Variants in NRF1 observed in about 807,000 individuals in gnomAD.
NRF1 encodes the protein nuclear respiratory factor 1.
In NRF1, 5 loss-of-function variants were observed where a neutral mutation model predicts 58.5. The ratio of observed to expected loss-of-function variants is 0.09; its 90% CI spans 0.04 to 0.18. NRF1 has a LOEUF of 0.18. Among genes scored for constraint, NRF1 ranks in the 10% least tolerant of loss-of-function variants. NRF1 has a pLI of 1.00. For missense variants in NRF1, 288 were observed against 657.7 expected (o/e 0.44, Z 6.15); for synonymous variants, 224 against 246.7 (o/e 0.91, Z 0.86).
intron 1 of NRF1, among the ~76,000 whole-genome samples, chr7:129,618,206 A>G (rs200865143): frequency 4.9e-5 from 4 of 81,082 alleles, no homozygotes; most frequent in African/African-American, 1.1e-4. Context: ...TTATTGGGTG[A>G]TGATGATGCC....
chr7:129,698,749 G>C (rs1269477552), intron 5 of NRF1, among the ~76,000 whole-genome samples: 2 of 152,178 alleles, frequency 1.3e-5, no homozygotes, highest in African/African-American at 4.8e-5. Context: ...GTTCTGCCTT[G>C]CTGGTGAGCC....
intron 4 of NRF1, among the ~76,000 whole-genome samples, chr7:129,686,037 GGTGGCA>G (rs1363669242): frequency 2.7e-5 from 4 of 149,520 alleles, no homozygotes; most frequent in Non-Finnish European, 5.9e-5. Flanking sequence ...AGGAGATGGA[GGTGGCA>G]GTGAGCCGAG....
At chr7:129,652,827 C>T (rs560526225) in intron 1 of NRF1, among the ~76,000 whole-genome samples, 6 of 152,144 alleles carry the variant, frequency 3.9e-5, no homozygotes, top group African/African-American at 1.4e-4. Flanking sequence ...CTCCTGACCT[C>T]GTGATCTGCC....
chr7:129,641,486 TTC>T (rs1279150371), intron 1 of NRF1, among the ~76,000 whole-genome samples: 2 of 152,196 alleles, frequency 1.3e-5, no homozygotes, highest in Non-Finnish European at 2.9e-5. Flanking sequence ...AATATTTTTA[TTC>T]TGTCTTCCAT....
intron 1 of NRF1, among the ~76,000 whole-genome samples, chr7:129,636,687 T>A (rs546835033): frequency 2.0e-5 from 3 of 152,234 alleles, no homozygotes; most frequent in Non-Finnish European, 4.4e-5. Context: ...CTTTTCAGTT[T>A]CGAAAACTAT....
intron 1 of NRF1, among the ~76,000 whole-genome samples, chr7:129,637,043 A>T (rs770098859): frequency 6.6e-6 from 1 of 152,198 alleles, no homozygotes; most frequent in Non-Finnish European, 1.5e-5. Context: ...TTAACAGGAG[A>T]GTAATCCTTG....
chr7:129,621,439 A>G (rs1379976322), intron 1 of NRF1, among the ~76,000 whole-genome samples: 4 of 152,212 alleles, frequency 2.6e-5, no homozygotes, highest in East Asian at 1.9e-4. Flanking sequence ...TAAATCTCCA[A>G]AGAGGGCCCA....
chr7:129,626,363 C>T (rs1386410429), intron 1 of NRF1, among the ~76,000 whole-genome samples: 5 of 151,994 alleles, frequency 3.3e-5, no homozygotes, highest in African/African-American at 1.2e-4. Flanking sequence ...TTTTTGCGTT[C>T]TGGACATCAT....
intron 4 of NRF1, among the ~76,000 whole-genome samples, chr7:129,685,742 A>G (rs1203763826): frequency 6.6e-6 from 1 of 152,146 alleles, no homozygotes; most frequent in East Asian, 1.9e-4. Context: ...GAAGAGAATT[A>G]TGGCAAGGAT....
chr7:129,669,511 A>G (rs1410170812), intron 2 of NRF1, among the ~76,000 whole-genome samples: 1 of 152,182 alleles, frequency 6.6e-6, no homozygotes, highest in African/African-American at 2.4e-5. Context: ...GTTAAAATTC[A>G]ACTTTGCACA....
At chr7:129,697,806 C>T (rs1334550683) in intron 5 of NRF1, among the ~76,000 whole-genome samples, 3 of 152,060 alleles carry the variant, frequency 2.0e-5, no homozygotes, top group African/African-American at 7.2e-5. Flanking sequence ...GCGATCTCAG[C>T]TCACTGCAAC....
At chr7:129,651,762 C>T (rs1211419245) in intron 1 of NRF1, among the ~76,000 whole-genome samples, 1 of 152,072 alleles carries the variant, frequency 6.6e-6, no homozygotes, top group Non-Finnish European at 1.5e-5. Flanking sequence ...ATATTATATT[C>T]AATTGTGTGA....
At position 129,744,340 on chromosome 7, in the gene NRF1, G is replaced by A. The variant is rs954676834; in HGVS notation, c.1349-10678G>A. On this transcript the variant is annotated intron_variant, in intron 10 of 10. Transcript: ENST00000393232. ...GATGGTGGGATTCCTCTACTGTGCAGTCCCCCTCACTCGGTCACCTGATAG... is the reference window on the plus strand; with the variant it reads ...GATGGTGGGATTCCTCTACTGTGCAATCCCCCTCACTCGGTCACCTGATAG... 8 of 822,526 alleles carry A rather than the reference G, an allele frequency of 9.7e-6. No individual in the cohort carries two copies. The African/African-American group carries it at 1.0e-4, about 11-fold the overall frequency. The allele number at this position is 822,526 out of a possible 1,614,324, so 51.0% of individuals were successfully genotyped here. A position where few individuals can be genotyped will look rare whatever the true frequency, so the allele number is the denominator to read the frequency against.
intron 2 of NRF1, among the ~76,000 whole-genome samples, chr7:129,664,677 T>A (rs542212265): frequency 6.6e-6 from 1 of 152,366 alleles, no homozygotes; most frequent in African/African-American, 2.4e-5. Context: ...TGTATTACTG[T>A]ACTGCTTTGT....
At chr7:129,691,316 C>A (rs902602661) in intron 5 of NRF1, among the ~76,000 whole-genome samples, 1 of 150,706 alleles carries the variant, frequency 6.6e-6, no homozygotes, top group Non-Finnish European at 1.5e-5. Flanking sequence ...AATCAAACAC[C>A]TTTTTAACAT....
chr7:129,706,368 G>A (rs1421258857), intron 5 of NRF1, among the ~76,000 whole-genome samples: 1 of 152,166 alleles, frequency 6.6e-6, no homozygotes, highest in Admixed American at 6.5e-5. Flanking sequence ...TCCCAAGAAA[G>A]CCAACTAGAA....
At chr7:129,634,045 T>A (rs866722993) in intron 1 of NRF1, among the ~76,000 whole-genome samples, 13,690 of 118,686 alleles carry the variant, frequency 0.12, 953 homozygotes, top group East Asian at 0.32. Context: ...AAAAAAAAGA[T>A]ATATATATAT....
intron 1 of NRF1, among the ~76,000 whole-genome samples, chr7:129,613,588 CAAT>C (rs1210738124): frequency 2.6e-5 from 4 of 151,466 alleles, no homozygotes; most frequent in Admixed American, 1.3e-4. Context: ...CCAAAAAAAA[CAAT>C]AATCAGATTA....
chr7:129,680,073 T>A (rs191670461), intron 4 of NRF1, among the ~76,000 whole-genome samples: 1 of 151,844 alleles, frequency 6.6e-6, no homozygotes, highest in Non-Finnish European at 1.5e-5. Flanking sequence ...AAAATAATAA[T>A]AATAAAAATA....
Sources: gnomAD v4.1 joint callset for allele counts (sites outside exome capture counted in the v4.1 genomes callset) on GRCh38, gnomAD v4.1.1 for gene constraint, MANE v1.5 for transcripts, NCBI Gene and HGNC (gene_info 2026-07-23, HGNC 2026-07-21) for gene names.